The following CDH4 variants were observed in gnomAD, a reference collection of about 807,000 sequenced individuals.
CDH4 encodes the protein cadherin 4.
Under a neutral mutation model 86.0 loss-of-function variants are expected in CDH4, and 33 were observed. That is an observed-to-expected ratio of 0.38 (90% CI 0.29 to 0.51). The LOEUF is 0.51. Among genes scored for constraint, CDH4 ranks in the 20% least tolerant of loss-of-function variants. The pLI, the probability that CDH4 is intolerant of heterozygous loss-of-function variation, is 0.86. For synonymous variants in CDH4, 555 were observed against 549.4 expected (o/e 1.01, Z -0.14); for missense variants, 1,114 against 1,307.4 (o/e 0.85, Z 2.28).
chr20:61,273,251 T>C, intron 2 of CDH4, among the ~76,000 whole-genome samples: 1 of 121,662 alleles, frequency 8.2e-6, no homozygotes, highest in South Asian at 3.1e-4. Flanking sequence ...CAGTGTGCAG[T>C]TTAGGGGAGT....
intron 2 of CDH4, among the ~76,000 whole-genome samples, chr20:61,477,350 C>T (rs972628136): frequency 4.6e-5 from 7 of 152,138 alleles, no homozygotes; most frequent in Non-Finnish European, 7.4e-5. Flanking sequence ...GGCGTGGAAA[C>T]GAGTGAGGAA....
chr20:61,661,037 A>G (rs928764516), intron 2 of CDH4, among the ~76,000 whole-genome samples: 1 of 145,920 alleles, frequency 6.9e-6, no homozygotes, highest in Non-Finnish European at 1.5e-5. Context: ...GATCATTGCC[A>G]GAAAGAAGCC....
At chr20:61,682,101 C>A (rs1158669640) in intron 2 of CDH4, among the ~76,000 whole-genome samples, 1 of 152,188 alleles carries the variant, frequency 6.6e-6, no homozygotes, top group African/African-American at 2.4e-5. Flanking sequence ...ATGACACTAC[C>A]TTCATGGGGT....
intron 2 of CDH4, among the ~76,000 whole-genome samples, chr20:61,541,285 G>T (rs1171199381): frequency 6.6e-6 from 1 of 152,218 alleles, no homozygotes; most frequent in Non-Finnish European, 1.5e-5. Context: ...AGGAGGAAAT[G>T]AGAGGAGGAG....
rs1216585000 is a variant in CDH4, at chr20:61,829,623, G to T, written c.577-15045G>T. On this transcript the variant is annotated intron_variant, in intron 4 of 15. Transcript: ENST00000614565. This position sits in a 1 kb window ranked among gnomAD's most constrained non-coding sequence, Gnocchi z 4.2. The stretch of plus-strand genomic sequence containing the variant: ...CCTCCTGTTGAGGAAGCCCTGGCGA[G>T]TGGGGGCTCCTCTGCCAAGCATTAA... Among the ~76,000 whole-genome samples, 1 of 152,216 alleles carries T rather than the reference G, an allele frequency of 6.6e-6. No individual in the cohort carries two copies. Among genetic ancestry groups the T allele is most frequent in the Non-Finnish European group, 1.5e-5 (1 of 68,042 alleles).
At chr20:61,894,340 C>T (rs538998901) in intron 7 of CDH4, among the ~76,000 whole-genome samples, 4 of 152,322 alleles carry the variant, frequency 2.6e-5, no homozygotes, top group African/African-American at 9.6e-5. Context: ...AAAGCTCACA[C>T]CTGCGCCTGC....
chr20:61,819,386 C>A (rs576423940), intron 4 of CDH4, among the ~76,000 whole-genome samples: 1 of 150,970 alleles, frequency 6.6e-6, no homozygotes, highest in African/African-American at 2.4e-5. Flanking sequence ...TCGCTCTGCC[C>A]CGGGAGCGTT....
intron 4 of CDH4, among the ~76,000 whole-genome samples, chr20:61,788,710 C>A (rs888174474): frequency 1.3e-5 from 2 of 152,164 alleles, no homozygotes. Flanking sequence ...TCTGAAGACT[C>A]CTTTCTCAGA....
At chr20:61,282,926 A>G (rs111164151) in intron 2 of CDH4, among the ~76,000 whole-genome samples, 3,003 of 18,620 alleles carry the variant, frequency 0.16, 62 homozygotes, top group Middle Eastern at 0.19. Flanking sequence ...ATGTACGTGC[A>G]TTTGCACGCG....
At chr20:61,273,818 G>T (rs1019894837) in intron 2 of CDH4, among the ~76,000 whole-genome samples, 63 of 151,138 alleles carry the variant, frequency 4.2e-4, no homozygotes, top group Non-Finnish European at 3.4e-4. Context: ...TATGCAGTTT[G>T]GGGGAGTACT....
At chr20:61,606,816 T>C (rs982655016) in intron 2 of CDH4, among the ~76,000 whole-genome samples, 3 of 152,256 alleles carry the variant, frequency 2.0e-5, no homozygotes, top group Non-Finnish European at 4.4e-5. Flanking sequence ...AATGACTCTG[T>C]GTGGCCTTGC....
chr20:61,557,333 G>A (rs1230191218), intron 2 of CDH4, among the ~76,000 whole-genome samples: 6 of 152,184 alleles, frequency 3.9e-5, no homozygotes, highest in East Asian at 1.9e-4. Context: ...AGGAATATTC[G>A]CACAACCCAG....
At chr20:61,387,820 C>T (rs1320858387) in intron 2 of CDH4, among the ~76,000 whole-genome samples, 1 of 152,180 alleles carries the variant, frequency 6.6e-6, no homozygotes, top group Non-Finnish European at 1.5e-5. Context: ...CGGCCCGTGG[C>T]CCTGCCCCTT....
chr20:61,254,876 T>C lies in CDH4; in HGVS notation c.108T>C (p.Ser36=). 1 of 1,613,520 alleles carries C rather than the reference T, an allele frequency of 6.2e-7. No individual in the cohort carries two copies. Among genetic ancestry groups the C allele is most frequent in the Non-Finnish European group, 8.5e-7 (1 of 1,179,450 alleles). The change falls in exon 2 of 16, where the codon TCT becomes TCC. Residue 36 remains serine, a synonymous_variant. Coordinates refer to ENST00000614565, the MANE Select transcript of CDH4 (RefSeq NM_001794.5). ...TTRETCKAGF[S]EDDYTALISQ... Reference sequence around the variant, plus strand: ...GAGAGACCTGCAAGGCTGGGTTCTCTGAAGATGATTACACGGCATTAATCT... The same window carrying C: ...GAGAGACCTGCAAGGCTGGGTTCTCCGAAGATGATTACACGGCATTAATCT...
intron 2 of CDH4, among the ~76,000 whole-genome samples, chr20:61,366,678 C>G (rs1240980975): frequency 6.6e-6 from 1 of 152,234 alleles, no homozygotes; most frequent in East Asian, 1.9e-4. Context: ...ATCGCTCATG[C>G]AATTGTTTGT....
chr20:61,900,769 C>T (rs904454968), intron 8 of CDH4, among the ~76,000 whole-genome samples: 1 of 152,174 alleles, frequency 6.6e-6, no homozygotes, highest in African/African-American at 2.4e-5. Context: ...GGCCAGACTC[C>T]CCAGCTTCAA....
chr20:61,829,071 C>G lies in CDH4; in HGVS notation c.577-15597C>G, dbSNP rs1981460922. On this transcript the variant is annotated intron_variant, in intron 4 of 15. Transcript: ENST00000614565. This position sits in a 1 kb window ranked among gnomAD's most constrained non-coding sequence, Gnocchi z 4.2. ...TGGAGGCTCTGGCAGTCATGCTCGCCCGGCCACCACTCACCTCCAGCTGTG... is the reference window on the plus strand; with the variant it reads ...TGGAGGCTCTGGCAGTCATGCTCGCGCGGCCACCACTCACCTCCAGCTGTG... 6.6e-6 allele frequency among the ~76,000 whole-genome samples: 1 copy of G among 152,228 alleles called. No individual in the cohort carries two copies. The highest frequency in any genetic ancestry group is 1.5e-5 in the Non-Finnish European group (1 of 68,032).
intron 2 of CDH4, among the ~76,000 whole-genome samples, chr20:61,661,530 C>G (rs2087257683): frequency 1.6e-5 from 2 of 127,862 alleles, no homozygotes; most frequent in Non-Finnish European, 3.2e-5. Flanking sequence ...TATAAAGAAA[C>G]TCTTCTTTTT....
At chr20:61,440,502 T>C (rs1224723325) in intron 2 of CDH4, among the ~76,000 whole-genome samples, 1 of 152,232 alleles carries the variant, frequency 6.6e-6, no homozygotes, top group African/African-American at 2.4e-5. Context: ...TTTTATTAAA[T>C]ACAAAATAAA....
Sources: allele counts gnomAD v4.1 joint callset (sites outside exome capture counted in the v4.1 genomes callset), GRCh38; gene constraint gnomAD v4.1.1; non-coding constraint Gnocchi (gnomAD v3.1); transcripts MANE v1.5; gene names NCBI Gene and HGNC (gene_info 2026-07-23, HGNC 2026-07-21).